DNER: variants seen among roughly 807,000 people sequenced by gnomAD.
DNER encodes the protein delta and Notch-like epidermal growth factor-related receptor.
Under a neutral mutation model 78.2 loss-of-function variants are expected in DNER, and 33 were observed. The ratio of observed to expected loss-of-function variants is 0.42; its 90% confidence interval spans 0.32 to 0.56. The LOEUF (loss-of-function observed/expected upper bound fraction) is 0.56. DNER is among the 20% of genes least tolerant of loss of function. The pLI is 0.11. For synonymous variants in DNER, 417 were observed against 384.8 expected (o/e 1.08, Z -0.98); for missense variants, 918 against 975.3 (o/e 0.94, Z 0.78).
intron 6 of DNER, among the ~76,000 whole-genome samples, chr2:229,487,513 G>T (rs976058145): frequency 3.3e-5 from 5 of 152,168 alleles, no homozygotes; most frequent in African/African-American, 1.2e-4. Flanking sequence ...ATGTCCTGAT[G>T]ACTACTCCTG....
intron 7 of DNER, among the ~76,000 whole-genome samples, chr2:229,459,486 T>C (rs1449218896): frequency 6.6e-6 from 1 of 152,082 alleles, no homozygotes; most frequent in African/African-American, 2.4e-5. Context: ...TGCCGAGCAA[T>C]TGGTATCTAT....
Position 229,388,351 on chromosome 2 carries a change from C to T in DNER, c.1769G>A (p.Cys590Tyr). The T allele has an allele frequency of 6.2e-7, 1 of 1,612,150 alleles. No individual in the cohort carries two copies. The highest frequency in any genetic ancestry group is 8.5e-7 in the Non-Finnish European group (1 of 1,179,024). The change falls in exon 11 of 13, where the codon TGC becomes TAC. Residue 590 changes from cysteine to tyrosine, a missense_variant. By Grantham distance (194) the Cys-to-Tyr change is radical. Coordinates refer to ENST00000341772, the MANE Select transcript of DNER (RefSeq NM_139072.4). The stretch of plus-strand genomic sequence containing the variant: ...GTCCAGGCAGCTCCCACCATGGTGG[C>T]AGGGGTTACTGTCACATTCATTTAT... ...IDINECDSNPCHHGGSCLDQP... is the reference protein window; with the variant it reads ...IDINECDSNPYHHGGSCLDQP...
At chr2:229,647,881 G>A (rs1698746567) in intron 1 of DNER, among the ~76,000 whole-genome samples, 2 of 152,128 alleles carry the variant, frequency 1.3e-5, no homozygotes, top group Non-Finnish European at 2.9e-5. Flanking sequence ...AATATTATGA[G>A]GGAAATGGTT....
chr2:229,664,202 A>G (rs1410814803), intron 1 of DNER, among the ~76,000 whole-genome samples: 1 of 152,238 alleles, frequency 6.6e-6, no homozygotes, highest in African/African-American at 2.4e-5. Flanking sequence ...CAAACTAAAT[A>G]GGAATTTTCT....
intron 10 of DNER, 65 bp from the exon 11 acceptor site, chr2:229,388,461 C>CA: frequency 6.6e-7 from 1 of 1,510,114 alleles, no homozygotes; most frequent in Admixed American, 2.1e-5. Context: ...TTTTTCTGGC[C>CA]AAAAAATAAA....
intron 4 of DNER, among the ~76,000 whole-genome samples, chr2:229,563,039 CCAT>C (rs1310204327): frequency 6.6e-6 from 1 of 150,726 alleles, no homozygotes; most frequent in African/African-American, 2.4e-5. Context: ...CCTCCTCACC[CCAT>C]CACCAACATC....
At chr2:229,668,449 T>G (rs1322322666) in intron 1 of DNER, among the ~76,000 whole-genome samples, 4 of 137,244 alleles carry the variant, frequency 2.9e-5, no homozygotes, top group Non-Finnish European at 4.6e-5. Context: ...TATACACTTA[T>G]ATATATATAT....
intron 1 of DNER, among the ~76,000 whole-genome samples, chr2:229,626,110 G>T (rs1271341015): frequency 1.3e-5 from 2 of 152,012 alleles, no homozygotes; most frequent in Admixed American, 6.5e-5. Context: ...TAGTAGAGAC[G>T]GGGTTTCACC....
At chr2:229,712,828 C>G (rs1305285219) in intron 1 of DNER, among the ~76,000 whole-genome samples, 1 of 152,084 alleles carries the variant, frequency 6.6e-6, no homozygotes, top group Non-Finnish European at 1.5e-5. Flanking sequence ...CTTATTGTAA[C>G]CAGTAAACAA....
chr2:229,381,707 A>G (rs1692740811), intron 11 of DNER, among the ~76,000 whole-genome samples: 1 of 152,248 alleles, frequency 6.6e-6, no homozygotes, highest in Non-Finnish European at 1.5e-5. Context: ...CAAAGCCACT[A>G]TAACCAGACA....
chr2:229,501,111 G>A (rs1695612328), intron 6 of DNER, among the ~76,000 whole-genome samples: 1 of 151,998 alleles, frequency 6.6e-6, no homozygotes, highest in Admixed American at 6.6e-5. Context: ...TAGAGAGAAT[G>A]GTGATTACCA....
intron 4 of DNER, among the ~76,000 whole-genome samples, chr2:229,558,817 G>A (rs1338695715): frequency 6.6e-6 from 1 of 152,160 alleles, no homozygotes. Flanking sequence ...AAAAGCTGGG[G>A]AGGTCAGTGT....
intron 6 of DNER, among the ~76,000 whole-genome samples, chr2:229,510,528 G>C (rs936089475): frequency 6.6e-6 from 1 of 152,222 alleles, no homozygotes; most frequent in Non-Finnish European, 1.5e-5. Context: ...GAGGATTTGA[G>C]AATTCTCTAG....
chr2:229,428,074 CAAAAAAAAAAAA>C (rs11358575), intron 8 of DNER, among the ~76,000 whole-genome samples: 1 of 93,198 alleles, frequency 1.1e-5, no homozygotes, highest in African/African-American at 4.3e-5. Flanking sequence ...GATTCCATCT[CAAAAAAAAAAAA>C]AAAAAAGAGA....
intron 1 of DNER, among the ~76,000 whole-genome samples, chr2:229,633,715 T>C (rs1698478404): frequency 1.3e-5 from 2 of 152,204 alleles, no homozygotes; most frequent in South Asian, 4.1e-4. Context: ...TCAGGGCCTG[T>C]TCCCAAGAGC....
intron 6 of DNER, among the ~76,000 whole-genome samples, chr2:229,500,590 A>G (rs182052788): frequency 2.6e-5 from 4 of 152,330 alleles, no homozygotes; most frequent in Admixed American, 1.3e-4. Flanking sequence ...TATCATGTTC[A>G]TTGTAGCATT....
At chr2:229,490,637 G>A (rs36044071) in intron 6 of DNER, among the ~76,000 whole-genome samples, 18,968 of 152,090 alleles carry the variant, frequency 0.12, 1,323 homozygotes, top group South Asian at 0.2. Flanking sequence ...TTTCAGGGGT[G>A]ATAAAATGCC....
At chr2:229,700,892 CAA>C (rs1393123838) in intron 1 of DNER, among the ~76,000 whole-genome samples, 16 of 67,626 alleles carry the variant, frequency 2.4e-4, no homozygotes, top group South Asian at 4.6e-4. Flanking sequence ...GACTCCGTCT[CAA>C]AAAAAAAAAA....
intron 7 of DNER, among the ~76,000 whole-genome samples, chr2:229,450,682 G>T (rs772103780): frequency 8.5e-5 from 13 of 152,164 alleles, no homozygotes; most frequent in Non-Finnish European, 1.6e-4. Context: ...CACCAGAGAT[G>T]CCTGTGCACA....
Sources: allele counts gnomAD v4.1 joint callset (sites outside exome capture counted in the v4.1 genomes callset), GRCh38; gene constraint gnomAD v4.1.1; transcripts MANE v1.5; gene names NCBI Gene and HGNC (gene_info 2026-07-23, HGNC 2026-07-21).